Variants in PKD1L1 observed in about 807,000 individuals in gnomAD.
The protein encoded by PKD1L1 is polycystin 1 like 1, transient receptor potential channel interacting.
PKD1L1 carries 236 observed loss-of-function variants against 323.4 expected under a neutral mutation model. That is an observed-to-expected ratio of 0.73 (90% CI 0.66 to 0.81). PKD1L1 has a LOEUF of 0.81. PKD1L1 is among the 40% of genes least tolerant of loss of function. The pLI is 0.00. For missense variants in PKD1L1, 3,320 were observed against 3,508.0 expected (o/e 0.95, Z 1.35); for synonymous variants, 1,344 against 1,335.0 (o/e 1.01, Z -0.15).
chr7:47,879,947 A>AAT lies in PKD1L1; in HGVS notation c.3520+780_3520+781insAT, dbSNP rs370997655. 6.2e-3 allele frequency among the ~76,000 whole-genome samples: 922 copies of AAT among 147,620 alleles called. 15 individuals are homozygous for AAT. The highest frequency in any genetic ancestry group is 0.022 in the African/African-American group (875 of 39,772). On this transcript the variant is annotated intron_variant, in intron 21 of 56. Coordinates refer to ENST00000289672, the MANE Select transcript of PKD1L1 (RefSeq NM_138295.5). ...CTCCGTCTCAACAAAAAAATAAAAA[A>AAT]TAAAAAAAAAAATTAAGCCCACTGT...
At chr7:47,907,948 G>A (rs1295329239) in intron 9 of PKD1L1, 129 bp downstream of exon 9, 6 of 878,782 alleles carry the variant, frequency 6.8e-6, no homozygotes, top group African/African-American at 1.7e-5. Context: ...CTGAATTAGG[G>A]AAGAATGAAT....
At chr7:47,807,912 G>A (rs1415386094) in intron 52 of PKD1L1, among the ~76,000 whole-genome samples, 2 of 152,150 alleles carry the variant, frequency 1.3e-5, no homozygotes, top group Non-Finnish European at 2.9e-5. Flanking sequence ...AGAGAAAATG[G>A]TGTGTCTAAG....
chr7:47,793,226 C>T (rs1042693928), intron 55 of PKD1L1, among the ~76,000 whole-genome samples: 5 of 151,998 alleles, frequency 3.3e-5, no homozygotes, highest in African/African-American at 4.8e-5. Context: ...TGTACAGTAC[C>T]GTGATTACAT....
At chr7:47,931,866 T>C in intron 5 of PKD1L1, 70 bp downstream of exon 5, 1 of 1,533,664 alleles carries the variant, frequency 6.5e-7, no homozygotes. Flanking sequence ...CGGGTGAGTC[T>C]CCCCCATATG....
chr7:47,843,132 C>T lies in PKD1L1; in HGVS notation c.5275G>A (p.Gly1759Ser). 1 of 1,612,900 alleles carries T rather than the reference C, an allele frequency of 6.2e-7. No individual in the cohort carries two copies. The highest frequency in any genetic ancestry group is 8.5e-7 in the Non-Finnish European group (1 of 1,179,702). Residue 1759 changes from glycine (G) to serine (S), a missense_variant, in exon 34 of 57, where the codon GGT becomes AGT. Transcript: ENST00000289672. Reference sequence around the variant, plus strand: ...AAAAATCCATAAAGAATCACAGAACCCATAATAAAAATACTGGGAAGCAAG... The same window carrying T: ...AAAAATCCATAAAGAATCACAGAACTCATAATAAAAATACTGGGAAGCAAG... ...ENLLPSIFIMGSVILYGFLVA... is the reference protein window; with the variant it reads ...ENLLPSIFIMSSVILYGFLVA...
At position 47,833,001 on chromosome 7, in the gene PKD1L1, A is replaced by T. The variant is rs891349731; in HGVS notation, c.6337+89T>A. The T allele has an allele frequency of 5.4e-6, 8 of 1,474,186 alleles. No individual in the cohort carries two copies. In the African/African-American group the frequency reaches 1.1e-4, roughly 20 times the overall value. The allele number at this position is 1,474,186 out of a possible 1,614,324, so 91.3% of individuals were successfully genotyped here. On this transcript the variant is annotated intron_variant, in intron 41 of 56. Transcript: ENST00000289672. Reference sequence around the variant, plus strand: ...TAGAGTATTCAGTGACATTTGGCCCAATTGTGACTCTGCTTGCCCTGCCTC... The same window carrying T: ...TAGAGTATTCAGTGACATTTGGCCCTATTGTGACTCTGCTTGCCCTGCCTC...
At chr7:47,859,308 G>A (rs1477399188) in intron 26 of PKD1L1, among the ~76,000 whole-genome samples, 2 of 152,072 alleles carry the variant, frequency 1.3e-5, no homozygotes, top group African/African-American at 4.8e-5. Context: ...CATTACCTAT[G>A]TGCATTCTAT....
intron 24 of PKD1L1, among the ~76,000 whole-genome samples, chr7:47,871,769 C>T (rs1786284851): frequency 6.6e-6 from 1 of 152,146 alleles, no homozygotes; most frequent in African/African-American, 2.4e-5. Flanking sequence ...TAGAAGAGAA[C>T]ATCCTCAATC....
intron 24 of PKD1L1, among the ~76,000 whole-genome samples, chr7:47,869,207 G>A (rs1786229475): frequency 1.3e-5 from 2 of 152,074 alleles, no homozygotes; most frequent in Admixed American, 6.6e-5. Context: ...GAGGAGCAAA[G>A]TAATAATGAG....
intron 26 of PKD1L1, among the ~76,000 whole-genome samples, chr7:47,863,834 C>T (rs1410225011): frequency 6.6e-6 from 1 of 151,992 alleles, no homozygotes; most frequent in Non-Finnish European, 1.5e-5. Flanking sequence ...GCAGGCTGAG[C>T]CACACAGTGA....
intron 2 of PKD1L1, among the ~76,000 whole-genome samples, chr7:47,941,518 T>C (rs1787984990): frequency 6.6e-6 from 1 of 152,218 alleles, no homozygotes; most frequent in Non-Finnish European, 1.5e-5. Flanking sequence ...CACTATTTAC[T>C]GTCAAGAGTC....
chr7:47,888,738 G>A (rs1054335343), intron 16 of PKD1L1, among the ~76,000 whole-genome samples: 3 of 152,142 alleles, frequency 2.0e-5, no homozygotes, highest in South Asian at 2.1e-4. Flanking sequence ...ACAGCCCGGC[G>A]CCCACCTCCC....
chr7:47,879,822 A>G (rs1786495704), intron 21 of PKD1L1, among the ~76,000 whole-genome samples: 1 of 147,814 alleles, frequency 6.8e-6, no homozygotes, highest in South Asian at 2.2e-4. Context: ...AGTCCCAGCT[A>G]TTCGGGAGGC....
chr7:47,919,719 A>C (rs1416805330), intron 7 of PKD1L1, among the ~76,000 whole-genome samples: 1 of 152,200 alleles, frequency 6.6e-6, no homozygotes, highest in African/African-American at 2.4e-5. Context: ...AACATACTCA[A>C]GTCAATAAAT....
At chr7:47,804,850 G>T (rs568547708) in intron 52 of PKD1L1, among the ~76,000 whole-genome samples, 1 of 152,200 alleles carries the variant, frequency 6.6e-6, no homozygotes, top group East Asian at 1.9e-4. Context: ...GCACATCTCA[G>T]TTTGGACTAG....
In PKD1L1 at chr7:47,793,874, G is replaced by T. The variant is rs1341995626; in HGVS notation, c.8356-1077C>A. 2.6e-5 allele frequency among the ~76,000 whole-genome samples: 4 copies of T among 152,304 alleles called. No homozygotes were observed. In the East Asian group the frequency reaches 7.7e-4, roughly 29 times the overall value. Reference sequence around the variant, plus strand: ...GGTCTCAGATGGAGATAAGGAACTTGTTGGGAACTGGAGCAAAGGTGACTC... The same window carrying T: ...GGTCTCAGATGGAGATAAGGAACTTTTTGGGAACTGGAGCAAAGGTGACTC... On this transcript the variant is annotated intron_variant, in intron 55 of 56. Coordinates refer to ENST00000289672, the MANE Select transcript of PKD1L1 (RefSeq NM_138295.5).
intron 36 of PKD1L1, among the ~76,000 whole-genome samples, chr7:47,838,615 C>T (rs1785503471): frequency 6.6e-6 from 1 of 152,040 alleles, no homozygotes; most frequent in Admixed American, 6.5e-5. Context: ...TGTGTTGGCT[C>T]ATGCCTGTAA....
In PKD1L1 at chr7:47,808,355, A is replaced by ATAG; in HGVS notation, c.7716_7718dup (p.Tyr2573dup). The ATAG allele has an allele frequency of 2.5e-6, 4 of 1,614,166 alleles. No homozygotes were observed. Among genetic ancestry groups the ATAG allele is most frequent in the Non-Finnish European group, 2.5e-6 (3 of 1,180,030 alleles). On this transcript the variant is annotated inframe_insertion, in exon 52 of 57. Transcript: ENST00000289672. ...GAGTAACAAGGTGGCCGGAAACTGCATAGTAGGTGAGGCTCACTCCAACCA... is the reference window on the plus strand; with the variant it reads ...GAGTAACAAGGTGGCCGGAAACTGCATAGTAGTAGGTGAGGCTCACTCCAACCA...
At chr7:47,882,412 T>C (rs1375726208) in intron 19 of PKD1L1, among the ~76,000 whole-genome samples, 2 of 152,046 alleles carry the variant, frequency 1.3e-5, no homozygotes, top group East Asian at 1.9e-4. Context: ...ATGGTGTCCT[T>C]GCTATCTGGA....
Sources: gnomAD v4.1 joint callset for allele counts (sites outside exome capture counted in the v4.1 genomes callset) on GRCh38, gnomAD v4.1.1 for gene constraint, MANE v1.5 for transcripts, NCBI Gene and HGNC (gene_info 2026-07-23, HGNC 2026-07-21) for gene names.